Variants in PAN3 observed in about 807,000 individuals in gnomAD.
The protein encoded by PAN3 is poly(A) specific ribonuclease subunit PAN3.
A neutral mutation model predicts 96.2 loss-of-function variants in PAN3; 19 were observed. That is an observed-to-expected ratio of 0.20 (90% CI 0.14 to 0.29). The LOEUF is 0.29. PAN3 is among the 10% of genes least tolerant of loss of function. The pLI is 1.00. For missense variants in PAN3, 882 were observed against 1,108.1 expected (o/e 0.80, Z 2.90); for synonymous variants, 433 against 406.6 (o/e 1.06, Z -0.78).
At chr13:28,288,431 C>G (rs1034319962) in intron 18 of PAN3, among the ~76,000 whole-genome samples, 1 of 152,064 alleles carries the variant, frequency 6.6e-6, no homozygotes, top group Non-Finnish European at 1.5e-5. Flanking sequence ...TCCCGAGTAG[C>G]TAGGATTACA....
intron 1 of PAN3, among the ~76,000 whole-genome samples, chr13:28,164,301 T>C (rs1276599912): frequency 1.3e-5 from 2 of 152,234 alleles, no homozygotes; most frequent in Non-Finnish European, 2.9e-5. Context: ...ATCTGCATCT[T>C]ATAAGCATTT....
chr13:28,255,672 A>G (rs1885081605), intron 6 of PAN3, among the ~76,000 whole-genome samples: 1 of 152,136 alleles, frequency 6.6e-6, no homozygotes, highest in Non-Finnish European at 1.5e-5. Context: ...TTTAGAGTTA[A>G]TGACAAAAAG....
chr13:28,198,394 A>G (rs1878321166), intron 5 of PAN3, among the ~76,000 whole-genome samples: 1 of 152,216 alleles, frequency 6.6e-6, no homozygotes, highest in African/African-American at 2.4e-5. Flanking sequence ...CATTTTTACT[A>G]GGAAACAAAA....
chr13:28,251,343 G>T (rs768357055), intron 6 of PAN3, among the ~76,000 whole-genome samples: 1 of 152,174 alleles, frequency 6.6e-6, no homozygotes, highest in African/African-American at 2.4e-5. Flanking sequence ...GTTCTTTTAA[G>T]TGCGATTATT....
chr13:28,151,939 C>A (rs1871415303), intron 1 of PAN3, among the ~76,000 whole-genome samples: 1 of 152,246 alleles, frequency 6.6e-6, no homozygotes, highest in Non-Finnish European at 1.5e-5. Context: ...TGATAAACTT[C>A]AAGTCTTCAG....
chr13:28,225,889 C>T (rs1566204586), intron 6 of PAN3, among the ~76,000 whole-genome samples: 1 of 152,174 alleles, frequency 6.6e-6, no homozygotes, highest in Non-Finnish European at 1.5e-5. Flanking sequence ...TTATTCAGTT[C>T]AACGAATTGT....
chr13:28,228,732 G>A (rs1435019848), intron 6 of PAN3, among the ~76,000 whole-genome samples: 1 of 152,102 alleles, frequency 6.6e-6, no homozygotes, highest in African/African-American at 2.4e-5. Context: ...TAGTATTGGT[G>A]TAAAGGGTGT....
chr13:28,225,924 G>A (rs1418138792), intron 6 of PAN3, among the ~76,000 whole-genome samples: 1 of 152,142 alleles, frequency 6.6e-6, no homozygotes, highest in Non-Finnish European at 1.5e-5. Context: ...GTGAACTCTT[G>A]TAAGTCATAA....
At chr13:28,195,992 A>G (rs978792220) in intron 4 of PAN3, among the ~76,000 whole-genome samples, 1 of 150,834 alleles carries the variant, frequency 6.6e-6, no homozygotes, top group African/African-American at 2.4e-5. Flanking sequence ...AGAAAACATT[A>G]TTAATATATT....
At chr13:28,238,077 G>A (rs1883268085) in intron 6 of PAN3, among the ~76,000 whole-genome samples, 2 of 152,150 alleles carry the variant, frequency 1.3e-5, no homozygotes. Context: ...ACAAAACCCC[G>A]AGGCACTGCT....
intron 12 of PAN3, among the ~76,000 whole-genome samples, 194 bp downstream of exon 12, chr13:28,267,595 G>A (rs1375046896): frequency 6.6e-6 from 1 of 152,184 alleles, no homozygotes; most frequent in Non-Finnish European, 1.5e-5. Context: ...AAAAGAGAGA[G>A]GTTTAATGAA....
intron 6 of PAN3, among the ~76,000 whole-genome samples, chr13:28,233,703 G>T (rs1882823035): frequency 6.6e-6 from 1 of 152,122 alleles, no homozygotes. Context: ...AGCTTTAGAG[G>T]TACCTCAGGA....
chr13:28,285,617 G>T (rs1035111660), intron 17 of PAN3, among the ~76,000 whole-genome samples: 3 of 151,984 alleles, frequency 2.0e-5, no homozygotes, highest in African/African-American at 7.2e-5. Flanking sequence ...TTCTTGTCCT[G>T]GAATTCTCAT....
intron 17 of PAN3, among the ~76,000 whole-genome samples, chr13:28,282,352 T>A (rs1407088641): frequency 6.6e-6 from 1 of 151,712 alleles, no homozygotes; most frequent in Non-Finnish European, 1.5e-5. Flanking sequence ...TTTTTTTTTT[T>A]ACCATGGAAT....
chr13:28,165,477 A>G (rs1873420681), intron 1 of PAN3, among the ~76,000 whole-genome samples: 1 of 152,012 alleles, frequency 6.6e-6, no homozygotes, highest in South Asian at 2.1e-4. Flanking sequence ...GATCACTTTT[A>G]TGTCCCACGT....
At chr13:28,281,766 C>CTTTTTTTTTTTTTTT (rs10707261) in intron 17 of PAN3, among the ~76,000 whole-genome samples, 2 of 114,958 alleles carry the variant, frequency 1.7e-5, no homozygotes. Context: ...TTAAAGCACA[C>CTTTTTTTTTTTTTTT]TTTTTTTTTT....
chr13:28,246,269 G>A (rs979358816), intron 6 of PAN3, among the ~76,000 whole-genome samples: 4 of 151,882 alleles, frequency 2.6e-5, no homozygotes, highest in African/African-American at 9.7e-5. Flanking sequence ...TTAAATCATT[G>A]TGTGGTTTTT....
chr13:28,257,758 AAT>A lies in PAN3; in HGVS notation c.1248+1220_1248+1221del, dbSNP rs1885319072. 2.2e-5 allele frequency among the ~76,000 whole-genome samples: 3 copies of A among 137,906 alleles called. No homozygotes were observed. In the South Asian group the frequency reaches 7.0e-4, roughly 32 times the overall value. The allele number at this position is 137,906 out of a possible 152,430, so 90.5% of individuals were successfully genotyped here. On this transcript the variant is annotated intron_variant, in intron 7 of 18. Coordinates refer to ENST00000380958, the MANE Select transcript of PAN3 (RefSeq NM_175854.8). The stretch of plus-strand genomic sequence containing the variant: ...TATAAATTATATATAATATATAATT[AAT>A]TATATATTATATATAAATTATATAT...
intron 4 of PAN3, among the ~76,000 whole-genome samples, chr13:28,193,317 G>A (rs1227745545): frequency 6.6e-6 from 1 of 152,168 alleles, no homozygotes; most frequent in Non-Finnish European, 1.5e-5. Context: ...ATTGAGGAGA[G>A]GCTTTAGGCT....
Sources: allele counts gnomAD v4.1 joint callset (sites outside exome capture counted in the v4.1 genomes callset), GRCh38; gene constraint gnomAD v4.1.1; transcripts MANE v1.5; gene names NCBI Gene and HGNC (gene_info 2026-07-23, HGNC 2026-07-21).